The following TBC1D19 variants were observed in gnomAD, a reference collection of about 807,000 sequenced individuals.
The protein encoded by TBC1D19 is TBC1 domain family member 19.
A neutral mutation model predicts 89.0 loss-of-function variants in TBC1D19; 60 were observed. That is an observed-to-expected ratio of 0.67 (90% CI 0.55 to 0.84). The LOEUF is 0.84. Among genes scored for constraint, TBC1D19 ranks in the 40% least tolerant of loss-of-function variants. The pLI, the probability that TBC1D19 is intolerant of heterozygous loss-of-function variation, is 0.00. For synonymous variants in TBC1D19, 189 were observed against 199.7 expected, an observed-to-expected ratio of 0.95 and a Z score of 0.45; for missense variants, 500 against 610.8, an observed-to-expected ratio of 0.82 and a Z score of 1.91.
chr4:26,695,175 G>A (rs1226072298), intron 13 of TBC1D19, among the ~76,000 whole-genome samples: 1 of 152,190 alleles, frequency 6.6e-6, no homozygotes, highest in African/African-American at 2.4e-5. Context: ...ACCTGATGGA[G>A]CTGAAAACCA....
the TBC1D19 span, among the ~76,000 whole-genome samples, chr4:26,776,910 T>A: frequency 2.6e-5 from 4 of 152,254 alleles, no homozygotes; most frequent in Middle Eastern, 3.4e-3. Flanking sequence ...CTAATATATA[T>A]CTTTCTGTTT....
At chr4:26,658,104 T>C (rs1744982277) in intron 7 of TBC1D19, among the ~76,000 whole-genome samples, 1 of 152,240 alleles carries the variant, frequency 6.6e-6, no homozygotes, top group Non-Finnish European at 1.5e-5. Context: ...ATCCCATTTG[T>C]CAATTTTGGC....
chr4:26,673,833 C>T lies in TBC1D19; in HGVS notation c.761C>T (p.Thr254Met), dbSNP rs149649528. Residue 254 changes from threonine to methionine, a missense_variant, in exon 11 of 21, where the codon ACG (threonine) becomes ATG (methionine). Physicochemically the swap from Thr to Met is moderately conservative, Grantham distance 81. Around this residue, in one of 2 missense-constraint regions of TBC1D19, gnomAD observed 280 missense variants for 291.7 expected, o/e 0.96. Transcript: ENST00000264866. ...CAGTACATCAGACAAGGAAGTCCCA[C>T]GGCACTGAGAGCTGAATTGTGGGCT... is the stretch of plus-strand genomic sequence containing the variant. ...AQQYIRQGSP[T>M]ALRAELWALI... 129 of 1,610,546 alleles carry T rather than the reference C, an allele frequency of 8.0e-5. No individual in the cohort carries two copies. Among genetic ancestry groups the T allele is most frequent in the African/African-American group, 1.2e-4 (9 of 74,814 alleles).
the TBC1D19 span, among the ~76,000 whole-genome samples, chr4:26,768,419 G>A: frequency 2.6e-5 from 4 of 152,022 alleles, no homozygotes; most frequent in Non-Finnish European, 5.9e-5. Flanking sequence ...TTCAAACAAA[G>A]TAAAATGTAC....
rs189901800 is a variant in TBC1D19 at position 26,738,627 on chromosome 4, A to G, written c.1118-1237A>G. 3.2e-3 allele frequency among the ~76,000 whole-genome samples: 492 copies of G among 151,932 alleles called. 6 individuals carry two copies. Among genetic ancestry groups the G allele is most frequent in the East Asian group, 1.2e-3 (6 of 5,192 alleles). ...TTTTTAAATTTTATTTATAATACAT[A>G]TTGTAATACATTTTTCTATATATAT... is the stretch of plus-strand genomic sequence containing the variant. On this transcript the variant is annotated intron_variant, in intron 16 of 20. Transcript: ENST00000264866.
intron 7 of TBC1D19, among the ~76,000 whole-genome samples, chr4:26,640,588 G>A (rs546731663): frequency 5.3e-5 from 8 of 152,310 alleles, no homozygotes; most frequent in South Asian, 4.1e-4. Flanking sequence ...AGGGTGAGCC[G>A]AAGCAGGGAG....
chr4:26,746,604 C>A (rs541142699), intron 18 of TBC1D19, among the ~76,000 whole-genome samples: 1 of 152,246 alleles, frequency 6.6e-6, no homozygotes, highest in Admixed American at 6.5e-5. Context: ...TTCTGCTATA[C>A]TGTAGTTTCC....
intron 9 of TBC1D19, among the ~76,000 whole-genome samples, chr4:26,671,327 T>C (rs2109104997): frequency 6.6e-6 from 1 of 151,882 alleles, no homozygotes; most frequent in Middle Eastern, 3.4e-3. Flanking sequence ...GTCCTTCAGG[T>C]CACTCCTTTT....
At chr4:26,683,593 G>C in intron 11 of TBC1D19, 82 bp from the exon 12 acceptor site, 1 of 1,117,854 alleles carries the variant, frequency 8.9e-7, no homozygotes, top group Non-Finnish European at 1.3e-6. Flanking sequence ...TTAGTGTTTA[G>C]AATACTATTA....
intron 1 of TBC1D19, among the ~76,000 whole-genome samples, chr4:26,606,641 C>T (rs567078670): frequency 3.3e-5 from 5 of 152,036 alleles, no homozygotes; most frequent in South Asian, 2.1e-4. Context: ...TTTAGAGTTT[C>T]GAAGCCAGAA....
intron 15 of TBC1D19, among the ~76,000 whole-genome samples, chr4:26,722,206 A>G (rs1312538266): frequency 1.3e-5 from 2 of 152,252 alleles, no homozygotes; most frequent in Admixed American, 6.5e-5. Flanking sequence ...TTTATATATT[A>G]CCATTGTTAC....
At chr4:26,821,600 T>G in the TBC1D19 span, among the ~76,000 whole-genome samples, 3 of 152,322 alleles carry the variant, frequency 2.0e-5, no homozygotes, top group East Asian at 5.8e-4. Flanking sequence ...ACCTGGAAAA[T>G]TAGGCAGATA....
At chr4:26,603,364 TCA>T (rs978889082) in intron 1 of TBC1D19, among the ~76,000 whole-genome samples, 1 of 152,182 alleles carries the variant, frequency 6.6e-6, no homozygotes, top group Admixed American at 6.5e-5. Context: ...AAAAATTAAG[TCA>T]CAGTGCAAGG....
At chr4:26,697,815 T>C (rs1011586222) in intron 13 of TBC1D19, among the ~76,000 whole-genome samples, 1 of 152,160 alleles carries the variant, frequency 6.6e-6, no homozygotes, top group Non-Finnish European at 1.5e-5. Context: ...TCAACAACAC[T>C]TCATGCTAAA....
intron 15 of TBC1D19, among the ~76,000 whole-genome samples, chr4:26,726,829 ATT>A (rs1206258466): frequency 1.3e-5 from 2 of 152,224 alleles, no homozygotes; most frequent in Non-Finnish European, 2.9e-5. Context: ...TGAAGAGAAT[ATT>A]TAATAAGTGC....
At chr4:26,640,723 A>G (rs1390813949) in intron 7 of TBC1D19, among the ~76,000 whole-genome samples, 1 of 152,190 alleles carries the variant, frequency 6.6e-6, no homozygotes, top group Non-Finnish European at 1.5e-5. Flanking sequence ...ATTTTCCAAC[A>G]GTCTTAGCAA....
chr4:26,727,590 G>A lies in TBC1D19; in HGVS notation c.1084+7465G>A, dbSNP rs942282943. ...TAAATTAACTCCGTTGTGCTTTGTAGTGCAACCCAATGAAGTTGATCTTGT... is the reference window on the plus strand; with the variant it reads ...TAAATTAACTCCGTTGTGCTTTGTAATGCAACCCAATGAAGTTGATCTTGT... On this transcript the variant is annotated intron_variant, in intron 15 of 20. Coordinates refer to ENST00000264866, the MANE Select transcript of TBC1D19 (RefSeq NM_018317.4). 2.6e-5 allele frequency among the ~76,000 whole-genome samples: 4 copies of A among 152,168 alleles called. No individual in the cohort carries two copies. The South Asian group carries it at 8.3e-4, about 31-fold the overall frequency.
chr4:26,685,809 C>G (rs1026442294), intron 12 of TBC1D19, among the ~76,000 whole-genome samples: 13 of 152,072 alleles, frequency 8.5e-5, no homozygotes, highest in African/African-American at 2.4e-4. Context: ...GATCTTTTGG[C>G]CTGTAAGACC....
chr4:26,777,887 C>T, the TBC1D19 span, among the ~76,000 whole-genome samples: 1 of 151,286 alleles, frequency 6.6e-6, no homozygotes, highest in Non-Finnish European at 1.5e-5. Flanking sequence ...TCAAGACTAG[C>T]CTGGGAAACA....
Sources: gnomAD v4.1 joint callset for allele counts (sites outside exome capture counted in the v4.1 genomes callset) on GRCh38, gnomAD v4.1.1 for gene constraint, gnomAD v4.1.1 regional missense constraint, MANE v1.5 for transcripts, NCBI Gene and HGNC (gene_info 2026-07-23, HGNC 2026-07-21) for gene names.